Variants in NEBL observed in about 807,000 individuals in gnomAD.
The protein encoded by NEBL is nebulette.
In NEBL, 122 loss-of-function variants were observed where a neutral mutation model predicts 140.2. The ratio of observed to expected loss-of-function variants is 0.87; its 90% CI spans 0.75 to 1.01. The LOEUF is 1.01. NEBL is among the 50% of genes least tolerant of loss of function. The pLI is 0.00. For missense variants in NEBL, 1,365 were observed against 1,231.3 expected, an observed-to-expected ratio of 1.11 and a Z score of -1.62; for synonymous variants, 436 against 398.9, an observed-to-expected ratio of 1.09 and a Z score of -1.11.
intron 3 of NEBL, among the ~76,000 whole-genome samples, chr10:20,963,631 G>C (rs1836158328): frequency 6.6e-6 from 1 of 152,158 alleles, no homozygotes; most frequent in Non-Finnish European, 1.5e-5. Flanking sequence ...CTGGCCTCAA[G>C]TGATCCTCCT....
At chr10:20,901,578 G>C (rs1185934304), upstream of NEBL, among the ~76,000 whole-genome samples, 1 of 151,750 alleles carries the variant, frequency 6.6e-6, no homozygotes, top group Non-Finnish European at 1.5e-5. Flanking sequence ...AGTTCTGAGT[G>C]GGGGGAAAAA....
At chr10:21,169,296 A>T (rs1840975255) in intron 2 of NEBL, among the ~76,000 whole-genome samples, 1 of 151,766 alleles carries the variant, frequency 6.6e-6, no homozygotes, top group South Asian at 2.1e-4. Context: ...GCATGTATAT[A>T]CATTGACTCC....
At chr10:20,891,964 A>C (rs1267983711) in intron 2 of NEBL, among the ~76,000 whole-genome samples, 1 of 152,212 alleles carries the variant, frequency 6.6e-6, no homozygotes, top group Non-Finnish European at 1.5e-5. Context: ...GATCATTGAA[A>C]GGGAACTATA....
intron 2 of NEBL, among the ~76,000 whole-genome samples, chr10:21,065,604 T>C (rs1315083210): frequency 1.3e-5 from 2 of 152,236 alleles, no homozygotes; most frequent in African/African-American, 2.4e-5. Context: ...AACTCATGAT[T>C]CTTAATGCAA....
At chr10:21,118,504 G>A (rs1322838557) in intron 2 of NEBL, among the ~76,000 whole-genome samples, 1 of 151,978 alleles carries the variant, frequency 6.6e-6, no homozygotes, top group Non-Finnish European at 1.5e-5. Context: ...TCTACTTAAT[G>A]TTCTATTGAC....
chr10:20,842,421 T>A (rs773567008), intron 12 of NEBL, among the ~76,000 whole-genome samples: 1 of 152,030 alleles, frequency 6.6e-6, no homozygotes, highest in Non-Finnish European at 1.5e-5. Flanking sequence ...AAATGATACT[T>A]TGAACACTCT....
intron 4 of NEBL, among the ~76,000 whole-genome samples, chr10:20,957,861 A>G (rs1156530816): frequency 6.6e-6 from 1 of 152,226 alleles, no homozygotes; most frequent in Non-Finnish European, 1.5e-5. Flanking sequence ...TCTATGGCAC[A>G]AAGTCTGTAA....
In NEBL at chr10:20,889,732, A is replaced by G. The variant is rs116588125; in HGVS notation, c.258+113T>C. 4.1e-4 allele frequency: 304 copies of G among 735,094 alleles called. 2 individuals are homozygous for G. The African/African-American group carries it at 4.8e-3, about 12-fold the overall frequency. 45.5% of individuals were successfully genotyped at this position (735,094 alleles called of 1,614,324 possible). On this transcript the variant is annotated intron_variant, in intron 3 of 27. Transcript: ENST00000377122. ...AGATAATTATGTAGCTATTACTAACATTCAGTAGTGCTTTTGAAAATATTA... is the reference window on the plus strand; with the variant it reads ...AGATAATTATGTAGCTATTACTAACGTTCAGTAGTGCTTTTGAAAATATTA...
chr10:20,930,630 T>A (rs1048084645), intron 4 of NEBL, among the ~76,000 whole-genome samples: 1 of 152,180 alleles, frequency 6.6e-6, no homozygotes, highest in East Asian at 1.9e-4. Flanking sequence ...TCTCCACTGA[T>A]GACACACCAT....
At chr10:20,888,276 T>A in intron 3 of NEBL, 69 bp from the exon 4 acceptor site, 1 of 947,168 alleles carries the variant, frequency 1.1e-6, no homozygotes, top group Non-Finnish European at 1.6e-6. Flanking sequence ...TGATTATAAG[T>A]AGAAAAGAAG....
intron 5 of NEBL, among the ~76,000 whole-genome samples, chr10:20,876,039 A>AT (rs2131286476): frequency 6.6e-6 from 1 of 152,326 alleles, no homozygotes; most frequent in South Asian, 2.1e-4. Flanking sequence ...TCCATCTCAA[A>AT]TGATGCTTAT....
Position 20,908,701 on chromosome 10 carries a change from T to A in NEBL, c.357+52971A>T, listed in dbSNP as rs145129141. The stretch of plus-strand genomic sequence containing the variant: ...GCATAATCATGGAGTCGGGAAGAGA[T>A]GAACACACTCTGCTCTGGTAAGCTG... On this transcript the variant is annotated intron_variant, in intron 4 of 6. Coordinates refer to the NEBL transcript ENST00000417816. Among the ~76,000 whole-genome samples, 82 of 152,330 alleles carry A rather than the reference T, an allele frequency of 5.4e-4. 1 individual carries two copies. Among genetic ancestry groups the A allele is most frequent in the African/African-American group, 1.8e-3 (75 of 41,570 alleles).
At chr10:20,794,885 T>C (rs1448957507) in intron 26 of NEBL, among the ~76,000 whole-genome samples, 3 of 152,194 alleles carry the variant, frequency 2.0e-5, no homozygotes, top group Non-Finnish European at 4.4e-5. Context: ...GCTTAGGATG[T>C]CACATGCTTT....
intron 10 of NEBL, among the ~76,000 whole-genome samples, chr10:20,850,860 G>T (rs1209963297): frequency 1.3e-5 from 2 of 152,178 alleles, no homozygotes; most frequent in African/African-American, 4.8e-5. Flanking sequence ...GAAAGAGAGA[G>T]ATCCTTGAGG....
At chr10:21,166,227 A>G (rs1345914517) in intron 2 of NEBL, among the ~76,000 whole-genome samples, 2 of 110,282 alleles carry the variant, frequency 1.8e-5, no homozygotes, top group Non-Finnish European at 3.6e-5. Flanking sequence ...CTCAAAAAAA[A>G]AAAAAAAAAA....
chr10:21,151,288 C>A (rs1032521356), intron 2 of NEBL, among the ~76,000 whole-genome samples: 5 of 152,184 alleles, frequency 3.3e-5, no homozygotes, highest in Non-Finnish European at 7.3e-5. Context: ...CAGAATCCTC[C>A]TGCGTCACCA....
chr10:20,837,864 A>G lies in NEBL; in HGVS notation c.1339-2241T>C, dbSNP rs574310870. Among the ~76,000 whole-genome samples, 3 of 152,300 alleles carry G rather than the reference A, an allele frequency of 2.0e-5. No individual in the cohort carries two copies. In the South Asian group the frequency reaches 6.2e-4, roughly 32 times the overall value. ...CCTATGCTTTATAAATGGAATAACAAAGCCTGGATGACAGCACATTTGTTT... is the reference window on the plus strand; with the variant it reads ...CCTATGCTTTATAAATGGAATAACAGAGCCTGGATGACAGCACATTTGTTT... On this transcript the variant is annotated intron_variant, in intron 13 of 27. Coordinates refer to ENST00000377122, the MANE Select transcript of NEBL (RefSeq NM_006393.3).
chr10:20,915,521 T>G (rs1028226028), intron 4 of NEBL, among the ~76,000 whole-genome samples: 6 of 151,764 alleles, frequency 4.0e-5, no homozygotes, highest in Non-Finnish European at 8.8e-5. Context: ...TTTTTTGTTC[T>G]TGCGATAGTT....
At chr10:20,950,394 T>C (rs1037372227) in intron 4 of NEBL, among the ~76,000 whole-genome samples, 1 of 152,188 alleles carries the variant, frequency 6.6e-6, no homozygotes, top group Non-Finnish European at 1.5e-5. Flanking sequence ...ATTTCAGGAA[T>C]GGGATCTCTC....
Sources: allele counts gnomAD v4.1 joint callset (sites outside exome capture counted in the v4.1 genomes callset), GRCh38; gene constraint gnomAD v4.1.1; transcripts MANE v1.5; gene names NCBI Gene and HGNC (gene_info 2026-07-23, HGNC 2026-07-21).